INPP4B: variants seen among roughly 807,000 people sequenced by gnomAD.
INPP4B encodes inositol polyphosphate 4-phosphatase type II.
In INPP4B, 55 loss-of-function variants were observed where a neutral mutation model predicts 122.5. The ratio of observed to expected loss-of-function variants is 0.45; its 90% CI spans 0.36 to 0.56. The LOEUF (loss-of-function observed/expected upper bound fraction) is 0.56, where lower values mean the gene tolerates loss of function less well. Among genes scored for constraint, INPP4B ranks in the 20% least tolerant of loss-of-function variants. The probability of loss-of-function intolerance (pLI) is 0.00; values close to 1 mark genes in which losing one functional copy is unlikely to be tolerated. For missense variants in INPP4B, 1,000 were observed against 1,097.7 expected (o/e 0.91, Z 1.26); for synonymous variants, 403 against 388.7 (o/e 1.04, Z -0.43).
chr4:142,313,478 C>G (rs1019256798), intron 8 of INPP4B, among the ~76,000 whole-genome samples: 1 of 152,078 alleles, frequency 6.6e-6, no homozygotes, highest in Non-Finnish European at 1.5e-5. Context: ...AAGCAGGGCC[C>G]CAGGGTGGTA....
intron 2 of INPP4B, among the ~76,000 whole-genome samples, chr4:142,505,135 G>C (rs571903722): frequency 6.6e-6 from 1 of 151,502 alleles, no homozygotes; most frequent in Admixed American, 6.6e-5. Context: ...GCTACTCAAG[G>C]TGCTGAGGCA....
At chr4:142,155,198 T>G (rs1816553002) in intron 17 of INPP4B, among the ~76,000 whole-genome samples, 1 of 152,068 alleles carries the variant, frequency 6.6e-6, no homozygotes. Context: ...AATTTGTTAC[T>G]TCTAAAGAAT....
intron 2 of INPP4B, among the ~76,000 whole-genome samples, chr4:142,656,261 C>A (rs182851558): frequency 6.6e-6 from 1 of 152,328 alleles, no homozygotes. Context: ...ACCCTTTAAA[C>A]TGTCTGTGAG....
intron 11 of INPP4B, among the ~76,000 whole-genome samples, chr4:142,247,886 A>C (rs892323463): frequency 3.3e-5 from 5 of 152,196 alleles, no homozygotes; most frequent in African/African-American, 1.2e-4. Flanking sequence ...TTTCTCAAAG[A>C]AAGAAAAATA....
chr4:142,602,089 T>C (rs1740134111), intron 2 of INPP4B, among the ~76,000 whole-genome samples: 1 of 151,864 alleles, frequency 6.6e-6, no homozygotes, highest in African/African-American at 2.4e-5. Flanking sequence ...CCTCATTGTC[T>C]CAACCCAAAA....
chr4:142,764,736 G>A (rs1402110124), intron 1 of INPP4B, among the ~76,000 whole-genome samples: 1 of 151,612 alleles, frequency 6.6e-6, no homozygotes, highest in Non-Finnish European at 1.5e-5. Flanking sequence ...TGACATTAAT[G>A]TTAATCAAGA....
At chr4:142,558,331 T>C (rs1729660428) in intron 2 of INPP4B, among the ~76,000 whole-genome samples, 1 of 152,124 alleles carries the variant, frequency 6.6e-6, no homozygotes, top group African/African-American at 2.4e-5. Context: ...TTATTTGTCC[T>C]GCACCCAATT....
intron 1 of INPP4B, among the ~76,000 whole-genome samples, chr4:142,755,127 T>C (rs1770327536): frequency 1.3e-5 from 2 of 152,044 alleles, no homozygotes; most frequent in African/African-American, 4.8e-5. Context: ...ATTTCTATTC[T>C]ATCTATCCTC....
At chr4:142,224,915 T>C (rs921950148) in intron 12 of INPP4B, among the ~76,000 whole-genome samples, 6 of 152,152 alleles carry the variant, frequency 3.9e-5, no homozygotes, top group African/African-American at 1.2e-4. Context: ...ATTTAAAGTT[T>C]ATATGTCCCA....
chr4:142,039,102 T>G, intron 25 of INPP4B, among the ~76,000 whole-genome samples: 1 of 152,162 alleles, frequency 6.6e-6, no homozygotes, highest in Non-Finnish European at 1.5e-5. Flanking sequence ...ACCTCTAAAA[T>G]TACTTTCATC....
At chr4:142,573,559 T>C (rs1733273164) in intron 2 of INPP4B, among the ~76,000 whole-genome samples, 1 of 152,116 alleles carries the variant, frequency 6.6e-6, no homozygotes, top group Non-Finnish European at 1.5e-5. Context: ...TTCTAAATCT[T>C]ACTGTGCTAA....
At chr4:142,516,700 C>T (rs1434377161) in intron 2 of INPP4B, among the ~76,000 whole-genome samples, 2 of 152,074 alleles carry the variant, frequency 1.3e-5, no homozygotes, top group African/African-American at 4.8e-5. Context: ...GCCCTGGAGC[C>T]TGTGTGGACA....
intron 2 of INPP4B, among the ~76,000 whole-genome samples, chr4:142,544,226 A>AGAAG (rs1351494257): frequency 7.9e-5 from 12 of 151,770 alleles, no homozygotes; most frequent in African/African-American, 2.9e-4. Context: ...GCCATGACTA[A>AGAAG]GAAGCAGAAT....
chr4:142,558,793 T>TAAAAAAAAAA (rs34151070), intron 2 of INPP4B, among the ~76,000 whole-genome samples: 18 of 75,550 alleles, frequency 2.4e-4, no homozygotes, highest in East Asian at 1.0e-3. Context: ...AGACTCCCTC[T>TAAAAAAAAAA]AAAAAAAAAA....
At chr4:142,468,893 C>A (rs78986670) in intron 2 of INPP4B, among the ~76,000 whole-genome samples, 3 of 151,982 alleles carry the variant, frequency 2.0e-5, no homozygotes, top group Non-Finnish European at 4.4e-5. Flanking sequence ...TTCTGAGAAC[C>A]CATACATTTG....
At chr4:142,206,905 T>C (rs1246970113) in intron 14 of INPP4B, among the ~76,000 whole-genome samples, 2 of 152,126 alleles carry the variant, frequency 1.3e-5, no homozygotes, top group African/African-American at 2.4e-5. Flanking sequence ...CTCTAGGACT[T>C]ATTCATTTTG....
At chr4:142,365,147 T>C (rs183424739) in intron 7 of INPP4B, among the ~76,000 whole-genome samples, 2 of 152,176 alleles carry the variant, frequency 1.3e-5, no homozygotes, top group Non-Finnish European at 2.9e-5. Flanking sequence ...AGAATTTGAG[T>C]AATGAAAAAT....
chr4:142,636,599 A>C (rs1024823212), intron 2 of INPP4B, among the ~76,000 whole-genome samples: 6 of 152,070 alleles, frequency 3.9e-5, no homozygotes, highest in African/African-American at 1.4e-4. Flanking sequence ...TGGACTTATA[A>C]AATATTCCTG....
chr4:142,771,801 G>A (rs1318413130), intron 1 of INPP4B, among the ~76,000 whole-genome samples: 1 of 152,106 alleles, frequency 6.6e-6, no homozygotes, highest in Non-Finnish European at 1.5e-5. Flanking sequence ...AAGGATTACT[G>A]AGTCAGTTTT....
Sources: allele counts gnomAD v4.1 joint callset (sites outside exome capture counted in the v4.1 genomes callset), GRCh38; gene constraint gnomAD v4.1.1; transcripts MANE v1.5; gene names NCBI Gene and HGNC (gene_info 2026-07-23, HGNC 2026-07-21).